SLU7: variants seen among roughly 807,000 people sequenced by gnomAD.
The protein encoded by SLU7 is spliceosome associated SLU7.
In SLU7, 60 loss-of-function variants were observed where a neutral mutation model predicts 87.0. The observed-to-expected ratio is 0.69, with a 90% CI of 0.56 to 0.86. The LOEUF is 0.86. SLU7 is among the 40% of genes least tolerant of loss of function. SLU7 has a pLI of 0.00. For missense variants in SLU7, 507 were observed against 686.6 expected (o/e 0.74, Z 2.92); for synonymous variants, 197 against 222.0 (o/e 0.89, Z 1.00).
At position 160,407,984 on chromosome 5, in the gene SLU7, T is replaced by C; in HGVS notation, c.904A>G (p.Lys302Glu). Residue 302 changes from lysine (K) to glutamate (E), a missense_variant, in exon 9 of 16, where the codon AAG becomes GAG. Coordinates refer to ENST00000297151, the MANE Select transcript of SLU7 (RefSeq NM_006425.5). The surrounding 1 kb of genome is among the most constrained non-coding windows in gnomAD (Gnocchi z 4.2). ...MRENPYANAG[K>E]NPDEVSYAGD... ...CTTGATACTTACTCATCTGGATTCT[T>C]TCCTGCATTGGCATAAGGATTCTCT... 1 of 1,611,160 alleles carries C rather than the reference T, an allele frequency of 6.2e-7. No homozygotes were observed. Among genetic ancestry groups the C allele is most frequent in the Non-Finnish European group, 8.5e-7 (1 of 1,177,474 alleles).
rs139588827 is a variant in SLU7 at position 160,406,590 on chromosome 5, A to G, written c.1165T>C (p.Leu389=). The G allele has an allele frequency of 5.0e-6, 8 of 1,612,810 alleles. 1 individual carries two copies. In the South Asian group the frequency reaches 5.5e-5, roughly 11 times the overall value. The part of the protein sequence containing the change: ...QEHLDAPPAE[L]LLAQTEDYVE... Reference sequence around the variant, plus strand: ...TAGTCTTCAGTCTGGGCTAAAAGCAATTCAGCTGGAGGGGCATCCAAATGT... The same window carrying G: ...TAGTCTTCAGTCTGGGCTAAAAGCAGTTCAGCTGGAGGGGCATCCAAATGT... Residue 389 remains leucine, a synonymous_variant, in exon 12 of 16, where the codon TTG becomes CTG. Transcript: ENST00000297151.
intron 1 of SLU7, among the ~76,000 whole-genome samples, chr5:160,415,733 T>C (rs1765424917): frequency 6.6e-6 from 1 of 152,202 alleles, no homozygotes; most frequent in Admixed American, 6.5e-5. Context: ...TCACTCACTC[T>C]AACTTAGCCC....
chr5:160,409,300 C>T (rs1765138089), intron 6 of SLU7, among the ~76,000 whole-genome samples: 1 of 152,060 alleles, frequency 6.6e-6, no homozygotes, highest in African/African-American at 2.4e-5. Context: ...CACAAGGATA[C>T]ACTTTTCTTC....
chr5:160,404,694 G>C, intron 14 of SLU7, 115 bp downstream of exon 14: 5 of 898,378 alleles, frequency 5.6e-6, no homozygotes, highest in South Asian at 1.5e-5. Flanking sequence ...CACTGCGCTC[G>C]AGCCTGGGCG....
rs1765080190 is a variant in SLU7, at chr5:160,408,083, T to C, written c.820-15A>G. On this transcript the variant is annotated splice_polypyrimidine_tract_variant and intron_variant, in intron 8 of 15. Transcript: ENST00000297151. ...TTCCTCAAATACTAGAAGAAAAAAA[T>C]ATTTAAAGAATTAATGTTTACTCAC... is the stretch of plus-strand genomic sequence containing the variant. 3 of 1,537,248 alleles carry C rather than the reference T, an allele frequency of 2.0e-6. No homozygotes were observed. The highest frequency in any genetic ancestry group is 9.0e-7 in the Non-Finnish European group (1 of 1,111,584).
At chr5:160,418,241 T>G (rs930015833) in intron 1 of SLU7, among the ~76,000 whole-genome samples, 1 of 152,244 alleles carries the variant, frequency 6.6e-6, no homozygotes, top group Non-Finnish European at 1.5e-5. Context: ...TCACCTCATC[T>G]AATCTTCACA....
In SLU7 at chr5:160,407,621, G is replaced by A. The variant is rs1361875300; in HGVS notation, c.986-6C>T. 6.2e-7 allele frequency: 1 copy of A among 1,608,370 alleles called. No homozygotes were observed. Among genetic ancestry groups the A allele is most frequent in the Non-Finnish European group, 8.5e-7 (1 of 1,178,428 alleles). The stretch of plus-strand genomic sequence containing the variant: ...ATAGGCTTCCCATGCAAACACTAGA[G>A]TAATTCAAAACATCTTAGTGAGTTG... On this transcript the variant is annotated splice_region_variant and splice_polypyrimidine_tract_variant and intron_variant, in intron 10 of 15. Transcript: ENST00000297151. This position sits in a 1 kb window ranked among gnomAD's most constrained non-coding sequence, Gnocchi z 4.2.
Position 160,413,934 on chromosome 5 carries a change from C to T in SLU7, c.370G>A (p.Gly124Arg). The stretch of plus-strand genomic sequence containing the variant: ...TCTTTCTTTTTGTGTGTCATGGCCC[C>T]ACAATTTTCACATGCTCCTTTGCGG... Reference protein sequence around the residue: ...KYRKGACENCGAMTHKKKDCF... With the variant: ...KYRKGACENCRAMTHKKKDCF... The change falls in exon 4 of 16, where the codon GGG becomes AGG. Residue 124 changes from glycine (G) to arginine (R), a missense_variant. Coordinates refer to ENST00000297151, the MANE Select transcript of SLU7 (RefSeq NM_006425.5). 5.0e-6 allele frequency: 8 copies of T among 1,601,610 alleles called. No individual in the cohort carries two copies. Among genetic ancestry groups the T allele is most frequent in the Non-Finnish European group, 6.8e-6 (8 of 1,175,268 alleles).
At chr5:160,408,887 T>G (rs1354810112) in intron 6 of SLU7, among the ~76,000 whole-genome samples, 190 bp from the exon 7 acceptor site, 2 of 147,262 alleles carry the variant, frequency 1.4e-5, no homozygotes, top group African/African-American at 4.9e-5. Context: ...AATATGTAAC[T>G]TATAAATAAG....
chr5:160,404,987 C>T, intron 13 of SLU7, 44 bp downstream of exon 13: 1 of 1,552,486 alleles, frequency 6.4e-7, no homozygotes, highest in Non-Finnish European at 8.9e-7. Context: ...GACTTAGGAG[C>T]TTCGGTTGTT....
intron 14 of SLU7, 115 bp downstream of exon 14, chr5:160,404,694 G>A (rs1275910681): frequency 4.2e-5 from 38 of 898,260 alleles, no homozygotes; most frequent in African/African-American, 1.0e-4. Context: ...CACTGCGCTC[G>A]AGCCTGGGCG....
chr5:160,415,113 TTAAG>T lies in SLU7; in HGVS notation c.170+8_170+11del. ...CTGAATGAATGGATCATACAAAAAA[TTAAG>T]TACTTACTTTCCTTCTTCATCAACT... On this transcript the variant is annotated splice_region_variant and intron_variant, in intron 2 of 15. Transcript: ENST00000297151. 6.3e-7 allele frequency: 1 copy of T among 1,577,874 alleles called. No individual in the cohort carries two copies. Among genetic ancestry groups the T allele is most frequent in the Non-Finnish European group, 8.6e-7 (1 of 1,163,988 alleles).
chr5:160,418,831 CTGG>C (rs1342963134), intron 1 of SLU7, 189 bp downstream of exon 1: 1 of 152,330 alleles, frequency 6.6e-6, no homozygotes, highest in African/African-American at 2.4e-5. Flanking sequence ...AGACGCAGGC[CTGG>C]CCTGGCAGGG....
rs770970566 is a variant in SLU7 at position 160,404,824 on chromosome 5, A to C, written c.1449T>G (p.Pro483=). The change falls in exon 14 of 16, where the codon CCT becomes CCG. Residue 483 remains proline (P), a synonymous_variant. Coordinates refer to ENST00000297151, the MANE Select transcript of SLU7 (RefSeq NM_006425.5). Reference sequence around the variant, plus strand: ...ATCAACTTACCTCCATGAGGGTTTGAGGTTTTTTCACAGATTCTTCCCCAG... The same window carrying C: ...ATCAACTTACCTCCATGAGGGTTTGCGGTTTTTTCACAGATTCTTCCCCAG... The part of the protein sequence containing the change: ...EITGEESVKK[P]QTLMELHQEK... The C allele has an allele frequency of 5.0e-6, 8 of 1,609,234 alleles. No homozygotes were observed. The highest frequency in any genetic ancestry group is 6.8e-6 in the Non-Finnish European group (8 of 1,175,734).
In SLU7 at chr5:160,409,926, G is replaced by C. The variant is rs537279932; in HGVS notation, c.640-1229C>G. The stretch of plus-strand genomic sequence containing the variant: ...GGGGCGAGGGGAAGTTTAGTGTTAG[G>C]GTGGATAGAAACAGGGGTGGAGAGA... On this transcript the variant is annotated intron_variant, in intron 6 of 15. Coordinates refer to ENST00000297151, the MANE Select transcript of SLU7 (RefSeq NM_006425.5). Among the ~76,000 whole-genome samples the C allele has an allele frequency of 2.0e-5, 3 of 152,232 alleles. No homozygotes were observed. In the East Asian group the frequency reaches 5.8e-4, roughly 29 times the overall value.
chr5:160,409,342 C>T (rs1765139948), intron 6 of SLU7, among the ~76,000 whole-genome samples: 1 of 118,278 alleles, frequency 8.5e-6, no homozygotes, highest in East Asian at 2.2e-4. Flanking sequence ...TTTCTAACTC[C>T]ACAGAATGCC....
At chr5:160,410,655 A>G (rs1215387106) in intron 6 of SLU7, among the ~76,000 whole-genome samples, 2 of 152,232 alleles carry the variant, frequency 1.3e-5, no homozygotes, top group Admixed American at 1.3e-4. Flanking sequence ...AATAAATTAC[A>G]TTACGTTTAC....
chr5:160,404,910 G>A, intron 13 of SLU7, 30 bp from the exon 14 acceptor site: 1 of 1,538,070 alleles, frequency 6.5e-7, no homozygotes, highest in Non-Finnish European at 9.0e-7. Context: ...TTTGAGTTGA[G>A]TGTCATAGTT....
At chr5:160,405,895 G>A (rs1052275468) in intron 12 of SLU7, among the ~76,000 whole-genome samples, 5 of 152,046 alleles carry the variant, frequency 3.3e-5, no homozygotes, top group African/African-American at 7.2e-5. Context: ...CATAATAACC[G>A]CATAACGATC....
Sources: gnomAD v4.1 joint callset for allele counts (sites outside exome capture counted in the v4.1 genomes callset) on GRCh38, gnomAD v4.1.1 for gene constraint, Gnocchi (gnomAD v3.1) non-coding constraint, MANE v1.5 for transcripts, NCBI Gene and HGNC (gene_info 2026-07-23, HGNC 2026-07-21) for gene names.